The following MTMR8 variants were observed in gnomAD, a reference collection of about 807,000 sequenced individuals.
MTMR8 encodes myotubularin related protein 8.
A neutral mutation model predicts 39.3 loss-of-function variants in MTMR8; 65 were observed. That is an observed-to-expected ratio of 1.65 (90% CI 1.35 to 2.03). The LOEUF is 2.03. MTMR8 is among the 30% of genes most tolerant of loss of function. The pLI is 0.00. For synonymous variants in MTMR8, 245 were observed against 185.2 expected (o/e 1.32, Z -2.62); for missense variants, 777 against 538.9 (o/e 1.44, Z -4.37).
chrX:64,269,711 T>TG (rs1931715557), intron 13 of MTMR8, among the ~76,000 whole-genome samples: 2 of 110,460 alleles, frequency 1.8e-5, no homozygotes, highest in South Asian at 7.9e-4. Context: ...CTGAAGGTGG[T>TG]GGGGGGAGTC....
intron 2 of MTMR8, among the ~76,000 whole-genome samples, chrX:64,358,042 A>AGTGG (rs1923672927): frequency 8.9e-6 from 1 of 111,916 alleles, no homozygotes; most frequent in South Asian, 3.7e-4. Flanking sequence ...GTTTGAAATA[A>AGTGG]TACCCAAAAG....
At position 64,379,174 on chromosome X, in the gene MTMR8, G is replaced by T. The variant is rs1602156594; in HGVS notation, c.24+16166C>A. Among the ~76,000 whole-genome samples, 11 of 111,294 alleles carry T rather than the reference G, an allele frequency of 9.9e-5. No individual in the cohort carries two copies. In the South Asian group the frequency reaches 4.2e-3, roughly 42 times the overall value. On this transcript the variant is annotated intron_variant, in intron 1 of 13. Coordinates refer to ENST00000374852, the MANE Select transcript of MTMR8 (RefSeq NM_017677.4). ...AAAACAGAAAGGTTTAGGTCCAGATGGTTTCACTGGTGAATTCCACCAAAC... is the reference window on the plus strand; with the variant it reads ...AAAACAGAAAGGTTTAGGTCCAGATTGTTTCACTGGTGAATTCCACCAAAC...
intron 1 of MTMR8, among the ~76,000 whole-genome samples, chrX:64,390,094 G>T (rs1459680686): frequency 9.0e-6 from 1 of 111,046 alleles, no homozygotes; most frequent in Non-Finnish European, 1.9e-5. Flanking sequence ...TGCATTTCAG[G>T]TTGTTTATAA....
intron 12 of MTMR8, among the ~76,000 whole-genome samples, chrX:64,318,322 GT>G (rs984586571): frequency 8.9e-6 from 1 of 112,189 alleles, no homozygotes; most frequent in African/African-American, 3.2e-5. Context: ...GAGCCATAGT[GT>G]TTTCTGTAGT....
At chrX:64,289,663 T>TAAAAAAAAAAAAAAAAAA (rs1921332572) in intron 12 of MTMR8, among the ~76,000 whole-genome samples, 3 of 83,007 alleles carry the variant, frequency 3.6e-5, no homozygotes, top group African/African-American at 2.2e-4. Context: ...AAAAAAAAAT[T>TAAAAAAAAAAAAAAAAAA]AAGTTGGGAG....
At chrX:64,322,838 A>T (rs2147217184) in intron 12 of MTMR8, among the ~76,000 whole-genome samples, 1 of 112,683 alleles carries the variant, frequency 8.9e-6, no homozygotes, top group African/African-American at 3.2e-5. Context: ...TGCAGCAACC[A>T]ACCCTAGCCT....
At chrX:64,311,803 C>G (rs1435241467) in intron 12 of MTMR8, among the ~76,000 whole-genome samples, 1 of 90,367 alleles carries the variant, frequency 1.1e-5, no homozygotes, top group Non-Finnish European at 2.0e-5. Flanking sequence ...TGTCAAAGAT[C>G]AGATGGTTCT....
At chrX:64,292,555 A>T (rs1454648329) in intron 12 of MTMR8, among the ~76,000 whole-genome samples, 1 of 110,932 alleles carries the variant, frequency 9.0e-6, no homozygotes, top group Non-Finnish European at 1.9e-5. Context: ...AAGCAGCAGC[A>T]TGGTGTCATC....
intron 12 of MTMR8, among the ~76,000 whole-genome samples, chrX:64,291,874 A>T (rs1239728189): frequency 1.8e-5 from 2 of 111,717 alleles, no homozygotes; most frequent in African/African-American, 6.5e-5. Flanking sequence ...CGCCATCAGA[A>T]CTGACTTTTG....
chrX:64,382,693 G>A (rs933020365), intron 1 of MTMR8, among the ~76,000 whole-genome samples: 2 of 111,476 alleles, frequency 1.8e-5, no homozygotes, highest in African/African-American at 3.3e-5. Flanking sequence ...GTTTTCAAAG[G>A]GAATGCTTCC....
intron 6 of MTMR8, among the ~76,000 whole-genome samples, chrX:64,345,466 A>C (rs1278152257): frequency 6.2e-5 from 7 of 112,145 alleles, no homozygotes; most frequent in Admixed American, 1.9e-4. Flanking sequence ...ATCTGATCTA[A>C]AAAACTGAAA....
At chrX:64,309,665 T>C (rs893011269) in intron 12 of MTMR8, among the ~76,000 whole-genome samples, 3 of 111,703 alleles carry the variant, frequency 2.7e-5, no homozygotes, top group African/African-American at 9.8e-5. Flanking sequence ...ATTAAATTAC[T>C]GTCAAACCTT....
At chrX:64,385,011 A>G (rs1339873388) in intron 1 of MTMR8, among the ~76,000 whole-genome samples, 1 of 112,185 alleles carries the variant, frequency 8.9e-6, no homozygotes, top group Non-Finnish European at 1.9e-5. Context: ...ATAAGTTCCA[A>G]CCTTAGGACA....
intron 12 of MTMR8, chrX:64,305,900 A>T (rs1039293514): frequency 4.2e-6 from 1 of 240,253 alleles, no homozygotes; most frequent in Non-Finnish European, 7.7e-6. Flanking sequence ...AGGATTCTTG[A>T]GTCCAGGAGT....
rs191442898 is a variant in MTMR8 at position 64,357,166 on chromosome X, G to T, written c.148-828C>A. ...CCATATAATCATGGTTTTGCATTTTGATCTTTGATGTTCTCCTCCTATCCC... is the reference window on the plus strand; with the variant it reads ...CCATATAATCATGGTTTTGCATTTTTATCTTTGATGTTCTCCTCCTATCCC... On this transcript the variant is annotated intron_variant, in intron 2 of 13. Coordinates refer to ENST00000374852, the MANE Select transcript of MTMR8 (RefSeq NM_017677.4). Among the ~76,000 whole-genome samples the T allele has an allele frequency of 1.3e-3, 148 of 111,436 alleles. 2 individuals are homozygous for T. The highest frequency in any genetic ancestry group is 2.3e-3 in the Non-Finnish European group (121 of 53,050).
intron 4 of MTMR8, among the ~76,000 whole-genome samples, chrX:64,353,983 C>CA (rs1372788394): frequency 9.2e-6 from 1 of 109,085 alleles, no homozygotes. Context: ...AACTCAGTCA[C>CA]AAAAAAATGT....
At chrX:64,333,556 C>T (rs1922997337) in intron 10 of MTMR8, among the ~76,000 whole-genome samples, 1 of 111,866 alleles carries the variant, frequency 8.9e-6, no homozygotes, top group African/African-American at 3.2e-5. Context: ...ATATCTTCCA[C>T]CTTATCTTCT....
intron 1 of MTMR8, among the ~76,000 whole-genome samples, chrX:64,377,842 G>A (rs769107085): frequency 1.3e-4 from 15 of 112,062 alleles, no homozygotes; most frequent in African/African-American, 2.3e-4. Flanking sequence ...ATATCATGTC[G>A]AACTGTAATC....
At chrX:64,355,948 A>C (rs758877098) in intron 3 of MTMR8, among the ~76,000 whole-genome samples, 12 of 111,141 alleles carry the variant, frequency 1.1e-4, no homozygotes, top group Non-Finnish European at 2.1e-4. Flanking sequence ...TAATACATGA[A>C]GGTATTCAAG....
Sources: gnomAD v4.1 joint callset for allele counts (sites outside exome capture counted in the v4.1 genomes callset) on GRCh38, gnomAD v4.1.1 for gene constraint, MANE v1.5 for transcripts, NCBI Gene and HGNC (gene_info 2026-07-23, HGNC 2026-07-21) for gene names.